Variants in ELF2 observed in about 807,000 individuals in gnomAD.
ELF2 encodes E74 like ETS transcription factor 2, also known as ETS-related transcription factor Elf-2.
A neutral mutation model predicts 54.8 loss-of-function variants in ELF2; 11 were observed. That is an observed-to-expected ratio of 0.20 (90% CI 0.13 to 0.33). The LOEUF is 0.33. Among genes scored for constraint, ELF2 ranks in the 10% least tolerant of loss-of-function variants. The probability of loss-of-function intolerance (pLI) is 1.00; values close to 1 mark genes in which losing one functional copy is unlikely to be tolerated. For synonymous variants in ELF2, 203 were observed against 245.1 expected (o/e 0.83, Z 1.61); for missense variants, 513 against 703.0 (o/e 0.73, Z 3.06).
At chr4:139,160,825 T>G (rs376107743) in intron 1 of ELF2, among the ~76,000 whole-genome samples, 3 of 151,956 alleles carry the variant, frequency 2.0e-5, no homozygotes, top group African/African-American at 7.3e-5. Flanking sequence ...TAGCCGGGCA[T>G]AGTGGCTCAC....
intron 1 of ELF2, among the ~76,000 whole-genome samples, chr4:139,141,410 T>A (rs1347536841): frequency 6.6e-6 from 1 of 152,158 alleles, no homozygotes; most frequent in Non-Finnish European, 1.5e-5. Context: ...CACACATATA[T>A]AAAGCCTACA....
intron 4 of ELF2, among the ~76,000 whole-genome samples, chr4:139,113,807 A>G (rs1458611822): frequency 6.6e-6 from 1 of 151,878 alleles, no homozygotes; most frequent in Non-Finnish European, 1.5e-5. Context: ...GTGAGCCAAG[A>G]CTGCGCCACT....
Position 139,173,863 on chromosome 4 carries a change from G to C in ELF2, c.-252+3104C>G, listed in dbSNP as rs184586020. ...AGCACTTTGAGAGGCCAAAGAGAGA[G>C]GATTGCTCAAGCCCAGGAGTTCAAG... is the stretch of plus-strand genomic sequence containing the variant. On this transcript the variant is annotated intron_variant, in intron 1 of 9. Transcript: ENST00000686138. Among the ~76,000 whole-genome samples, 6 of 151,794 alleles carry C rather than the reference G, an allele frequency of 4.0e-5. 1 individual carries two copies. The East Asian group carries it at 1.2e-3, about 29-fold the overall frequency.
chr4:139,151,084 G>GAAAGA (rs1185894094), intron 1 of ELF2, among the ~76,000 whole-genome samples: 6 of 131,730 alleles, frequency 4.6e-5, no homozygotes, highest in African/African-American at 1.6e-4. Context: ...AAGAAAGAAA[G>GAAAGA]AAAGAAAGAA....
chr4:139,127,493 G>A (rs1183869536), intron 3 of ELF2, among the ~76,000 whole-genome samples: 1 of 151,930 alleles, frequency 6.6e-6, no homozygotes, highest in African/African-American at 2.4e-5. Context: ...CAATTAGCTT[G>A]GTAAACTATT....
intron 1 of ELF2, among the ~76,000 whole-genome samples, chr4:139,162,799 T>C (rs1303330164): frequency 6.6e-6 from 1 of 151,944 alleles, no homozygotes; most frequent in Non-Finnish European, 1.5e-5. Context: ...AGAATGTTTG[T>C]AAAAAATATT....
chr4:139,148,195 T>G lies in ELF2; in HGVS notation c.-251-8698A>C, dbSNP rs550811139. ...ATAATTATATAATATGTGATTTTTTTGGGGGGGTGGGGAGACAAGGCTGCC... is the reference window on the plus strand; with the variant it reads ...ATAATTATATAATATGTGATTTTTTGGGGGGGGTGGGGAGACAAGGCTGCC... On this transcript the variant is annotated intron_variant, in intron 1 of 9. Transcript: ENST00000686138. Among the ~76,000 whole-genome samples the G allele has an allele frequency of 3.0e-4, 46 of 151,208 alleles. No homozygotes were observed. In the South Asian group the frequency reaches 6.5e-3, roughly 21 times the overall value.
At chr4:139,150,518 C>CAAA (rs34465260) in intron 1 of ELF2, among the ~76,000 whole-genome samples, 23 of 76,852 alleles carry the variant, frequency 3.0e-4, no homozygotes, top group South Asian at 1.7e-3. Flanking sequence ...GACCCTGTCT[C>CAAA]AAAAAAAAAA....
At chr4:139,102,535 G>C (rs1306372173) in intron 4 of ELF2, among the ~76,000 whole-genome samples, 1 of 131,902 alleles carries the variant, frequency 7.6e-6, no homozygotes, top group Admixed American at 7.7e-5. Flanking sequence ...GGGAGACTCC[G>C]TCTCAAAAAA....
intron 2 of ELF2, among the ~76,000 whole-genome samples, chr4:139,138,368 G>A (rs1306558063): frequency 6.6e-6 from 1 of 151,504 alleles, no homozygotes; most frequent in Admixed American, 6.6e-5. Context: ...AGTAAGCCAA[G>A]ATGGCGCCAC....
chr4:139,063,078 T>A (rs1349064384), intron 7 of ELF2, among the ~76,000 whole-genome samples: 1 of 152,136 alleles, frequency 6.6e-6, no homozygotes, highest in African/African-American at 2.4e-5. Flanking sequence ...GCCAACATGG[T>A]GAAACCCCAT....
chr4:139,165,178 G>A (rs1741597285), intron 1 of ELF2, among the ~76,000 whole-genome samples: 1 of 152,168 alleles, frequency 6.6e-6, no homozygotes, highest in Admixed American at 6.5e-5. Context: ...GGCTTTAGAA[G>A]GGTTAAGGGT....
chr4:139,061,976 T>C lies in ELF2; in HGVS notation c.695A>G (p.Gln232Arg), dbSNP rs1180676747. ...CAGCTTGAATATGCCTTTTTCTCTC[T>C]GAGTCCATTTAATATACCTGGGACA... ...NTCPRYIKWT[Q>R]REKGIFKLVD... The change falls in exon 8 of 10, where the codon CAG becomes CGG. Residue 232 changes from glutamine to arginine, a missense_variant. Physicochemically the swap from Gln to Arg is conservative, Grantham distance 43. Coordinates refer to ENST00000686138, the MANE Select transcript of ELF2 (RefSeq NM_001331036.3). 2 of 1,614,004 alleles carry C rather than the reference T, an allele frequency of 1.2e-6. No homozygotes were observed. Among genetic ancestry groups the C allele is most frequent in the Non-Finnish European group, 1.7e-6 (2 of 1,179,942 alleles).
intron 4 of ELF2, among the ~76,000 whole-genome samples, chr4:139,115,835 TTTTTGTTTTG>T (rs937223653): frequency 6.6e-6 from 1 of 152,116 alleles, no homozygotes; most frequent in African/African-American, 2.4e-5. Context: ...TTTGTTGTTG[TTTTTGTTTTG>T]TTTTGTTTTG....
intron 4 of ELF2, among the ~76,000 whole-genome samples, chr4:139,098,310 G>A (rs1186242197): frequency 6.6e-6 from 1 of 152,110 alleles, no homozygotes; most frequent in African/African-American, 2.4e-5. Context: ...CTAGATGCAT[G>A]TAAGTTTATG....
chr4:139,144,302 T>C (rs1031075124), intron 1 of ELF2, among the ~76,000 whole-genome samples: 5 of 152,034 alleles, frequency 3.3e-5, no homozygotes, highest in East Asian at 3.9e-4. Flanking sequence ...GTGGAGAATA[T>C]ACAAGAAGCA....
At chr4:139,105,447 C>T (rs1023317497) in intron 4 of ELF2, among the ~76,000 whole-genome samples, 1 of 152,182 alleles carries the variant, frequency 6.6e-6, no homozygotes, top group African/African-American at 2.4e-5. Flanking sequence ...CCTGAAAGGA[C>T]TTTACCATCC....
At chr4:139,165,809 CAAAT>C (rs913115904) in intron 1 of ELF2, among the ~76,000 whole-genome samples, 19 of 152,160 alleles carry the variant, frequency 1.2e-4, no homozygotes, top group African/African-American at 4.6e-4. Flanking sequence ...AAAGCACTGA[CAAAT>C]AAGTGATTCT....
intron 4 of ELF2, among the ~76,000 whole-genome samples, chr4:139,111,457 A>T (rs1305095425): frequency 6.6e-6 from 1 of 151,030 alleles, no homozygotes; most frequent in African/African-American, 2.4e-5. Flanking sequence ...TGCAAGGAGT[A>T]GCTGGGACTA....
Sources: allele counts gnomAD v4.1 joint callset (sites outside exome capture counted in the v4.1 genomes callset), GRCh38; gene constraint gnomAD v4.1.1; transcripts MANE v1.5; gene names NCBI Gene and HGNC (gene_info 2026-07-23, HGNC 2026-07-21).